The following IKZF1 variants were observed in gnomAD, a reference collection of about 807,000 sequenced individuals.
The protein encoded by IKZF1 is IKAROS family zinc finger 1, also known as DNA-binding protein Ikaros.
IKZF1 carries 10 observed loss-of-function variants against 51.7 expected under a neutral mutation model. That is an observed-to-expected ratio of 0.19 (90% CI 0.12 to 0.33). The LOEUF (loss-of-function observed/expected upper bound fraction) is 0.33, where lower values mean the gene tolerates loss of function less well. IKZF1 is among the 10% of genes least tolerant of loss of function. IKZF1 has a pLI of 1.00. For missense variants in IKZF1, 484 were observed against 707.5 expected (o/e 0.68, Z 3.58); for synonymous variants, 280 against 282.3 (o/e 0.99, Z 0.08).
At chr7:50,336,223 T>G (rs1377720993) in intron 3 of IKZF1, among the ~76,000 whole-genome samples, 2 of 148,062 alleles carry the variant, frequency 1.4e-5, no homozygotes, top group African/African-American at 5.0e-5. Flanking sequence ...CTGGAAGCAC[T>G]GGGGGAGGAG....
In IKZF1 at chr7:50,376,959, G is replaced by GT. The variant is rs1810457349; in HGVS notation, c.421+168dup. 1 of 1,201,182 alleles carries GT rather than the reference G, an allele frequency of 8.3e-7. No homozygotes were observed. The highest frequency in any genetic ancestry group is 2.9e-5 in the Admixed American group (1 of 35,058). 74.4% of individuals were successfully genotyped at this position (1,201,182 alleles called of 1,614,324 possible). A position where few individuals can be genotyped will look rare whatever the true frequency, so the allele number is the denominator to read the frequency against. On this transcript the variant is annotated intron_variant, in intron 4 of 7. Coordinates refer to ENST00000331340, the MANE Select transcript of IKZF1 (RefSeq NM_006060.6). The surrounding 1 kb of genome is among the most constrained non-coding windows in gnomAD (Gnocchi z 4.5). ...AGTGGTACCGAGTCATAGAGTCCTT[G>GT]TTCTGGTACAGCCTTGTAAAGGACT...
At chr7:50,363,487 C>T (rs1372394062) in intron 3 of IKZF1, among the ~76,000 whole-genome samples, 1 of 152,106 alleles carries the variant, frequency 6.6e-6, no homozygotes, top group Non-Finnish European at 1.5e-5. Flanking sequence ...GAGGAGTTAC[C>T]CAGTGCCCTG....
At chr7:50,318,416 G>A (rs907171994) in intron 1 of IKZF1, 2 of 228,596 alleles carry the variant, frequency 8.7e-6, no homozygotes, top group East Asian at 6.2e-5. Flanking sequence ...ACTTCTCCCC[G>A]TGTAAGAGTG....
chr7:50,362,749 G>A (rs1396759557), intron 3 of IKZF1, among the ~76,000 whole-genome samples: 2 of 152,180 alleles, frequency 1.3e-5, no homozygotes, highest in African/African-American at 2.4e-5. Context: ...TAACAGTGCA[G>A]ACCCATGGAA....
chr7:50,364,054 A>T (rs1806066796), intron 3 of IKZF1, among the ~76,000 whole-genome samples: 1 of 152,192 alleles, frequency 6.6e-6, no homozygotes, highest in Non-Finnish European at 1.5e-5. Flanking sequence ...AAATTTTATA[A>T]ATTTCTCCTA....
At chr7:50,337,050 G>A (rs1797958200) in intron 3 of IKZF1, among the ~76,000 whole-genome samples, 1 of 152,154 alleles carries the variant, frequency 6.6e-6, no homozygotes, top group East Asian at 1.9e-4. Flanking sequence ...GGTGTCTGGG[G>A]GTTGGCGGTG....
intron 3 of IKZF1, among the ~76,000 whole-genome samples, chr7:50,356,709 C>T (rs1803522249): frequency 6.6e-6 from 1 of 152,200 alleles, no homozygotes; most frequent in Admixed American, 6.5e-5. Context: ...CGGCGGCTTC[C>T]TCTTTTCCTG....
At position 50,313,649 on chromosome 7, in the gene IKZF1, T is replaced by C. The variant is rs550389833; in HGVS notation, c.-14-5399T>C. Among the ~76,000 whole-genome samples the C allele has an allele frequency of 3.3e-5, 5 of 152,308 alleles. No individual in the cohort carries two copies. In the South Asian group the frequency reaches 6.2e-4, roughly 19 times the overall value. On this transcript the variant is annotated intron_variant, in intron 1 of 7. Coordinates refer to ENST00000331340, the MANE Select transcript of IKZF1 (RefSeq NM_006060.6). ...ACGGGTTCAAGTGTCAGCTCTGTGGTTGATTAGCTGTGTGACCTGGGGAAA... is the reference window on the plus strand; with the variant it reads ...ACGGGTTCAAGTGTCAGCTCTGTGGCTGATTAGCTGTGTGACCTGGGGAAA...
At chr7:50,360,979 G>A (rs1293242890) in intron 3 of IKZF1, among the ~76,000 whole-genome samples, 1 of 152,182 alleles carries the variant, frequency 6.6e-6, no homozygotes, top group Non-Finnish European at 1.5e-5. Flanking sequence ...TATCATTTTG[G>A]CCCAGTGATC....
chr7:50,393,437 G>C (rs997855706), intron 7 of IKZF1, among the ~76,000 whole-genome samples: 1 of 152,146 alleles, frequency 6.6e-6, no homozygotes, highest in African/African-American at 2.4e-5. Context: ...TGACATGAAG[G>C]GGGAAGGACA....
At chr7:50,325,955 A>G (rs1229591562) in intron 2 of IKZF1, among the ~76,000 whole-genome samples, 1 of 152,228 alleles carries the variant, frequency 6.6e-6, no homozygotes, top group East Asian at 1.9e-4. Context: ...GGCTATCCAA[A>G]TATACCCAAT....
chr7:50,321,865 C>T (rs1331307940), intron 2 of IKZF1, among the ~76,000 whole-genome samples: 1 of 151,948 alleles, frequency 6.6e-6, no homozygotes, highest in Non-Finnish European at 1.5e-5. Flanking sequence ...TAGCTGGGGG[C>T]GGGGACAAGA....
At chr7:50,375,705 ACCCCCCC>A (rs60591650) in intron 3 of IKZF1, among the ~76,000 whole-genome samples, 2 of 82,312 alleles carry the variant, frequency 2.4e-5, no homozygotes, top group African/African-American at 1.0e-4. Flanking sequence ...TTCACCTCCC[ACCCCCCC>A]CCCCCACCCA....
chr7:50,384,381 C>T (rs1049307531), intron 5 of IKZF1, among the ~76,000 whole-genome samples: 1 of 152,208 alleles, frequency 6.6e-6, no homozygotes, highest in African/African-American at 2.4e-5. Flanking sequence ...CCCACATGCT[C>T]GCCATCAGAA....
In IKZF1 at chr7:50,327,753, C is replaced by CGT. The variant is rs1187237464; in HGVS notation, c.158_159dup (p.Ala54TrpfsTer7). 6.2e-7 allele frequency: 1 copy of CGT among 1,611,062 alleles called. No homozygotes were observed. The highest frequency in any genetic ancestry group is 8.5e-7 in the Non-Finnish European group (1 of 1,178,654). Reference sequence around the variant, plus strand: ...AGCAAAGCTCCAAGAGTGACAGAGTCGTGGGTAAGTGGGTCACCAGCGGCC... The same window carrying CGT: ...AGCAAAGCTCCAAGAGTGACAGAGTCGTGTGGGTAAGTGGGTCACCAGCGGCC... On this transcript the variant is annotated frameshift_variant, in exon 3 of 8. Coordinates refer to ENST00000331340, the MANE Select transcript of IKZF1 (RefSeq NM_006060.6). LOFTEE classifies it high-confidence loss of function.
chr7:50,376,195 A>G lies in IKZF1; in HGVS notation c.161-338A>G, dbSNP rs887006699. On this transcript the variant is annotated intron_variant, in intron 3 of 7. Transcript: ENST00000331340. This position sits in a 1 kb window ranked among gnomAD's most constrained non-coding sequence, Gnocchi z 4.5. ...AGGGTGTAGGAGTAGGCCTCAGACCACTCCTGACGTGAACCTGCTTAAAGT... is the reference window on the plus strand; with the variant it reads ...AGGGTGTAGGAGTAGGCCTCAGACCGCTCCTGACGTGAACCTGCTTAAAGT... 6.6e-6 allele frequency among the ~76,000 whole-genome samples: 1 copy of G among 152,156 alleles called. No homozygotes were observed. The highest frequency in any genetic ancestry group is 1.5e-5 in the Non-Finnish European group (1 of 68,028).
Position 50,332,180 on chromosome 7 carries a change from T to A in IKZF1, c.160+4423T>A, listed in dbSNP as rs994965837. On this transcript the variant is annotated intron_variant, in intron 3 of 7. Transcript: ENST00000331340. Reference sequence around the variant, plus strand: ...ACTCTTGAGCAGGGGCTCTTAAAAGTTTTTTGTTTAGGAATTATGTCAGGG... The same window carrying A: ...ACTCTTGAGCAGGGGCTCTTAAAAGATTTTTGTTTAGGAATTATGTCAGGG... 4.2e-3 allele frequency among the ~76,000 whole-genome samples: 644 copies of A among 151,622 alleles called. 7 individuals carry two copies. Among genetic ancestry groups the A allele is most frequent in the African/African-American group, 0.014 (590 of 41,088 alleles).
intron 3 of IKZF1, among the ~76,000 whole-genome samples, chr7:50,334,396 T>C (rs1239751365): frequency 6.6e-6 from 1 of 151,898 alleles, no homozygotes; most frequent in Non-Finnish European, 1.5e-5. Context: ...TGGTGTGTGA[T>C]GTATGTATAT....
At chr7:50,335,684 G>A (rs1797594187) in intron 3 of IKZF1, among the ~76,000 whole-genome samples, 1 of 151,230 alleles carries the variant, frequency 6.6e-6, no homozygotes, top group Non-Finnish European at 1.5e-5. Flanking sequence ...AGCGTGGTAT[G>A]TGGTGTGTAT....
Sources: gnomAD v4.1 joint callset for allele counts (sites outside exome capture counted in the v4.1 genomes callset) on GRCh38, gnomAD v4.1.1 for gene constraint, Gnocchi (gnomAD v3.1) non-coding constraint, MANE v1.5 for transcripts, NCBI Gene and HGNC (gene_info 2026-07-23, HGNC 2026-07-21) for gene names.